HYDIN: variants seen among roughly 807,000 people sequenced by gnomAD.
HYDIN encodes the protein HYDIN axonemal central pair apparatus protein.
HYDIN carries 132 observed loss-of-function variants against 403.9 expected under a neutral mutation model. The ratio of observed to expected loss-of-function variants is 0.33; its 90% CI spans 0.28 to 0.38. The LOEUF (loss-of-function observed/expected upper bound fraction) is 0.38. HYDIN is among the 10% of genes least tolerant of loss of function. The pLI, the probability that HYDIN is intolerant of heterozygous loss-of-function variation, is 1.00. For missense variants in HYDIN, 2,827 were observed against 5,009.5 expected (o/e 0.56, Z 13.15); for synonymous variants, 1,202 against 1,891.7 (o/e 0.64, Z 9.46).
intron 84 of HYDIN, among the ~76,000 whole-genome samples, chr16:70,813,194 G>A (rs1406062487): frequency 2.6e-5 from 4 of 151,982 alleles, no homozygotes; most frequent in East Asian, 3.9e-4. Context: ...CTTGTGATCC[G>A]CCTGCCTCAG....
chr16:71,094,490 T>C (rs1597761848), intron 10 of HYDIN, among the ~76,000 whole-genome samples: 1 of 152,018 alleles, frequency 6.6e-6, no homozygotes, highest in Non-Finnish European at 1.5e-5. Context: ...TGAAATACCA[T>C]ATGAACAACT....
At chr16:70,993,031 T>C (rs1400159784) in intron 23 of HYDIN, among the ~76,000 whole-genome samples, 2 of 152,194 alleles carry the variant, frequency 1.3e-5, no homozygotes, top group African/African-American at 2.4e-5. Flanking sequence ...ATACTCATTC[T>C]GGCCCCATCT....
intron 1 of HYDIN, among the ~76,000 whole-genome samples, chr16:71,198,266 T>C (rs1468479596): frequency 6.6e-6 from 1 of 152,234 alleles, no homozygotes; most frequent in Non-Finnish European, 1.5e-5. Flanking sequence ...CTACCACCAA[T>C]TAACATTTGG....
At chr16:70,925,609 T>C (rs1260063899) in intron 45 of HYDIN, among the ~76,000 whole-genome samples, 2 of 151,686 alleles carry the variant, frequency 1.3e-5, no homozygotes, top group African/African-American at 4.8e-5. Context: ...AATTGACAAA[T>C]GGGATCTAAT....
At chr16:71,067,510 A>G (rs1457649630) in intron 14 of HYDIN, 120 bp from the exon 15 acceptor site, 1 of 519,968 alleles carries the variant, frequency 1.9e-6, no homozygotes, top group African/African-American at 2.1e-5. Flanking sequence ...ATGGATATAT[A>G]GCATTTTACA....
intron 4 of HYDIN, among the ~76,000 whole-genome samples, chr16:71,177,894 C>A (rs918929479): frequency 6.6e-6 from 1 of 152,078 alleles, no homozygotes; most frequent in African/African-American, 2.4e-5. Context: ...TAATTTATCT[C>A]TAAAGAAAAA....
At chr16:71,065,873 A>G (rs1437567497) in intron 15 of HYDIN, among the ~76,000 whole-genome samples, 1 of 152,208 alleles carries the variant, frequency 6.6e-6, no homozygotes, top group Admixed American at 6.5e-5. Context: ...TTCTGTTAAG[A>G]GTCAGTGAGT....
At position 70,943,926 on chromosome 16, in the gene HYDIN, C is replaced by A. The variant is rs764043041; in HGVS notation, c.6555G>T (p.Pro2185=). 2 of 1,611,530 alleles carry A rather than the reference C, an allele frequency of 1.2e-6. No homozygotes were observed. Among genetic ancestry groups the A allele is most frequent in the East Asian group, 2.2e-5 (1 of 44,778 alleles). The change falls in exon 42 of 86, where the codon CCG becomes CCT. Residue 2185 remains proline (P), a synonymous_variant. Transcript: ENST00000393567. ...TPQISSSPLP[P]GPIHRWLSVS... is the part of the protein sequence containing the mutation. ...CACTGAGCCAGCGGTGGATGGGCCC[C>A]GGGGGGAGAGGGCTGGAGGAAATCT...
At chr16:70,902,821 A>ATATTTT in intron 52 of HYDIN, among the ~76,000 whole-genome samples, 1 of 47,312 alleles carries the variant, frequency 2.1e-5, no homozygotes, top group Admixed American at 2.5e-4. Flanking sequence ...ATATATATAT[A>ATATTTT]TTTTTTTTTT....
intron 5 of HYDIN, among the ~76,000 whole-genome samples, chr16:71,168,261 G>A (rs1341891097): frequency 1.4e-5 from 2 of 147,912 alleles, no homozygotes; most frequent in African/African-American, 5.0e-5. Flanking sequence ...GGAGGTTGCA[G>A]TGAGCAGAGA....
chr16:70,839,568 A>T (rs1296554317), intron 76 of HYDIN, among the ~76,000 whole-genome samples: 1 of 150,582 alleles, frequency 6.6e-6, no homozygotes, highest in East Asian at 2.0e-4. Flanking sequence ...GCTTTGAGTA[A>T]ACACAGGTCT....
At chr16:71,219,721 G>C (rs1243137189) in intron 1 of HYDIN, among the ~76,000 whole-genome samples, 1 of 152,106 alleles carries the variant, frequency 6.6e-6, no homozygotes, top group African/African-American at 2.4e-5. Flanking sequence ...TTGCATTAGA[G>C]GCATTTTATG....
chr16:71,115,806 T>C lies in HYDIN; in HGVS notation c.1228-11A>G. 1.4e-6 allele frequency: 1 copy of C among 711,156 alleles called. No individual in the cohort carries two copies. Among genetic ancestry groups the C allele is most frequent in the Non-Finnish European group, 2.5e-6 (1 of 393,346 alleles). 44.1% of individuals were successfully genotyped at this position (711,156 alleles called of 1,614,324 possible). A position where few individuals can be genotyped will look rare whatever the true frequency, so the allele number is the denominator to read the frequency against. On this transcript the variant is annotated splice_polypyrimidine_tract_variant and intron_variant, in intron 9 of 85. Transcript: ENST00000393567. ...CCAGACATCACCTTCCTGAAAAACATGAAAGAATCATTAAAAAACAATATG... is the reference window on the plus strand; with the variant it reads ...CCAGACATCACCTTCCTGAAAAACACGAAAGAATCATTAAAAAACAATATG...
chr16:71,066,488 G>C (rs1375207681), intron 15 of HYDIN: 8 of 160,584 alleles, frequency 5.0e-5, no homozygotes, highest in African/African-American at 1.9e-4. Flanking sequence ...TGACATATTA[G>C]CATGATTATC....
At chr16:70,926,161 T>C (rs4985372) in intron 45 of HYDIN, among the ~76,000 whole-genome samples, 70,594 of 131,264 alleles carry the variant, frequency 0.54, 20,026 homozygotes, top group Non-Finnish European at 0.6. Flanking sequence ...CACATGCGCA[T>C]GTATGTTTAT....
At chr16:71,086,090 CCTTT>C (rs575970590) in intron 12 of HYDIN, among the ~76,000 whole-genome samples, 90 of 152,110 alleles carry the variant, frequency 5.9e-4, no homozygotes, top group African/African-American at 2.0e-3. Context: ...TCCATTACTG[CCTTT>C]CTTTGTGTTA....
intron 5 of HYDIN, among the ~76,000 whole-genome samples, chr16:71,164,259 T>TA (rs2086129815): frequency 1.6e-5 from 1 of 62,114 alleles, no homozygotes; most frequent in South Asian, 6.9e-4. Flanking sequence ...GTGGAGGTTT[T>TA]AAAAAAAGCT....
intron 47 of HYDIN, among the ~76,000 whole-genome samples, chr16:70,915,039 C>T (rs564188391): frequency 2.4e-4 from 37 of 151,298 alleles, no homozygotes; most frequent in Admixed American, 9.2e-4. Flanking sequence ...TCTCCCTTTA[C>T]TTCTTCTATC....
chr16:70,878,458 CAAT>C (rs2040579647), intron 62 of HYDIN, among the ~76,000 whole-genome samples: 1 of 131,954 alleles, frequency 7.6e-6, no homozygotes, highest in Admixed American at 7.6e-5. Context: ...AATGTATAAA[CAAT>C]AACAACAACA....
Sources: gnomAD v4.1 joint callset for allele counts (sites outside exome capture counted in the v4.1 genomes callset) on GRCh38, gnomAD v4.1.1 for gene constraint, MANE v1.5 for transcripts, NCBI Gene and HGNC (gene_info 2026-07-23, HGNC 2026-07-21) for gene names.